The following ADAM10 variants were observed in gnomAD, a reference collection of about 807,000 sequenced individuals.
ADAM10 encodes ADAM metallopeptidase domain 10.
A neutral mutation model predicts 90.1 loss-of-function variants in ADAM10; 17 were observed. The ratio of observed to expected loss-of-function variants is 0.19; its 90% CI spans 0.13 to 0.28. ADAM10 has a LOEUF of 0.28. Ranked by LOEUF, ADAM10 falls within the 10% of genes least tolerant of loss-of-function variation. The pLI is 1.00. For synonymous variants in ADAM10, 310 were observed against 298.6 expected (o/e 1.04, Z -0.40); for missense variants, 610 against 914.3 (o/e 0.67, Z 4.29).
chr15:58,609,549 A>G lies in ADAM10; in HGVS notation c.2025+748T>C, dbSNP rs1229638975. The G allele has an allele frequency of 2.0e-5, 3 of 153,252 alleles. No individual in the cohort carries two copies. The East Asian group carries it at 5.8e-4, about 29-fold the overall frequency. The allele number at this position is 153,252 out of a possible 1,614,324, so 9.5% of individuals were successfully genotyped here. ...ATACACACACACACACATACACACT[A>G]ATTTGAGAAAGGGGAATGTGAGTTA... On this transcript the variant is annotated intron_variant, in intron 14 of 15. Transcript: ENST00000260408.
chr15:58,718,260 T>C (rs1202204665), intron 1 of ADAM10, among the ~76,000 whole-genome samples: 3 of 152,204 alleles, frequency 2.0e-5, no homozygotes, highest in African/African-American at 7.2e-5. Flanking sequence ...GATCATATTT[T>C]TTCTTTTTAA....
intron 15 of ADAM10, among the ~76,000 whole-genome samples, chr15:58,598,915 T>A (rs11638416): frequency 0.035 from 5,307 of 152,286 alleles, 98 homozygotes; most frequent in Middle Eastern, 0.051. Flanking sequence ...ATTTGATGAA[T>A]GAATCCTCTA....
intron 5 of ADAM10, among the ~76,000 whole-genome samples, chr15:58,648,233 A>C (rs1896603312): frequency 6.6e-6 from 1 of 152,230 alleles, no homozygotes; most frequent in African/African-American, 2.4e-5. Flanking sequence ...ATGGGTACCA[A>C]CACTACTGAA....
intron 1 of ADAM10, among the ~76,000 whole-genome samples, chr15:58,725,293 G>A (rs1345376251): frequency 6.6e-6 from 1 of 151,742 alleles, no homozygotes; most frequent in Admixed American, 6.6e-5. Flanking sequence ...CACTTTGGGA[G>A]GCTAAGGCAG....
intron 4 of ADAM10, 48 bp downstream of exon 4, chr15:58,679,076 A>T (rs776667178): frequency 5.8e-6 from 9 of 1,548,914 alleles, no homozygotes; most frequent in Non-Finnish European, 4.4e-6. Context: ...AGTTTTAACT[A>T]TCATATGCCT....
chr15:58,643,937 G>A lies in ADAM10; in HGVS notation c.777C>T (p.Thr259=), dbSNP rs201371720. Reference sequence around the variant, plus strand: ...TGTTACGGATTCCGGAGAAGTCTGTGGTCTGGTAAATTGTATCAATCGCTT... The same window carrying A: ...TGTTACGGATTCCGGAGAAGTCTGTAGTCTGGTAAATTGTATCAATCGCTT... The part of the protein sequence containing the change: ...HVKAIDTIYQ[T]TDFSGIRNIS... The change falls in exon 7 of 16, where the codon ACC becomes ACT. Residue 259 remains threonine, a synonymous_variant. Transcript: ENST00000260408. The A allele has an allele frequency of 2.2e-5, 35 of 1,613,254 alleles. No individual in the cohort carries two copies. The African/African-American group carries it at 2.7e-4, about 12-fold the overall frequency.
chr15:58,679,646 T>C (rs1434352159), intron 3 of ADAM10, among the ~76,000 whole-genome samples: 1 of 152,186 alleles, frequency 6.6e-6, no homozygotes, highest in African/African-American at 2.4e-5. Context: ...GGTTCACACC[T>C]ATAATCCCAG....
At chr15:58,670,444 T>C (rs533689795) in intron 4 of ADAM10, among the ~76,000 whole-genome samples, 1 of 152,146 alleles carries the variant, frequency 6.6e-6, no homozygotes, top group Non-Finnish European at 1.5e-5. Context: ...TGTGCAAGAA[T>C]GTTACCTGTT....
At chr15:58,712,224 T>C (rs1898497083) in intron 2 of ADAM10, among the ~76,000 whole-genome samples, 1 of 151,606 alleles carries the variant, frequency 6.6e-6, no homozygotes, top group Non-Finnish European at 1.5e-5. Context: ...GTAAGAAAAA[T>C]TTCTGGAAAT....
chr15:58,687,569 CTTAA>C (rs1229754028), intron 2 of ADAM10, among the ~76,000 whole-genome samples: 1 of 145,990 alleles, frequency 6.8e-6, no homozygotes, highest in African/African-American at 2.7e-5. Context: ...AAAATTTCTG[CTTAA>C]TTAATCATAA....
At chr15:58,657,878 T>C (rs1896868102) in intron 5 of ADAM10, among the ~76,000 whole-genome samples, 7 of 148,910 alleles carry the variant, frequency 4.7e-5, no homozygotes, top group Admixed American at 4.0e-4. Flanking sequence ...ATTTTTTAAT[T>C]GGGGTTTGTG....
intron 14 of ADAM10, among the ~76,000 whole-genome samples, chr15:58,608,148 C>CA (rs1165685738): frequency 2.0e-5 from 3 of 152,172 alleles, no homozygotes; most frequent in South Asian, 2.1e-4. Context: ...CCAGTAGCAG[C>CA]AGTCAATAAC....
Position 58,617,156 on chromosome 15 carries a change from G to A in ADAM10, c.1511+4315C>T, listed in dbSNP as rs114926237. ...TAAAATAAAAATATATCAACAAAAT[G>A]AACAGTTGGTTTCTTGGAAAGATAA... On this transcript the variant is annotated intron_variant, in intron 11 of 15. Transcript: ENST00000260408. Among the ~76,000 whole-genome samples, 1,285 of 151,842 alleles carry A rather than the reference G, an allele frequency of 8.5e-3. 22 individuals are homozygous for A. Among genetic ancestry groups the A allele is most frequent in the African/African-American group, 0.03 (1,234 of 41,466 alleles).
chr15:58,731,312 G>C (rs1481871337), intron 1 of ADAM10, among the ~76,000 whole-genome samples: 2 of 152,090 alleles, frequency 1.3e-5, no homozygotes, highest in African/African-American at 4.8e-5. Flanking sequence ...AAGAAATCTG[G>C]AGATGGTTTA....
At chr15:58,668,195 A>AACC (rs1451945060) in intron 4 of ADAM10, among the ~76,000 whole-genome samples, 1 of 152,186 alleles carries the variant, frequency 6.6e-6, no homozygotes, top group Non-Finnish European at 1.5e-5. Context: ...TTTAAGGCAG[A>AACC]ACCTTTGCCC....
intron 5 of ADAM10, among the ~76,000 whole-genome samples, chr15:58,651,942 T>A (rs1896698710): frequency 6.6e-6 from 1 of 152,208 alleles, no homozygotes; most frequent in Non-Finnish European, 1.5e-5. Context: ...AAAGCCATTT[T>A]TACTGAGGTG....
intron 5 of ADAM10, among the ~76,000 whole-genome samples, chr15:58,652,854 G>A (rs1234272774): frequency 2.0e-5 from 3 of 152,078 alleles, no homozygotes; most frequent in Non-Finnish European, 4.4e-5. Context: ...TCCGATATAC[G>A]AACATAGAAT....
intron 2 of ADAM10, among the ~76,000 whole-genome samples, chr15:58,689,030 C>G (rs936652368): frequency 2.6e-4 from 39 of 150,504 alleles, no homozygotes; most frequent in African/African-American, 9.0e-4. Flanking sequence ...AAACTATAAA[C>G]ACAAGTCTAA....
chr15:58,728,300 T>C (rs145374438), intron 1 of ADAM10, among the ~76,000 whole-genome samples: 1 of 152,316 alleles, frequency 6.6e-6, no homozygotes, highest in African/African-American at 2.4e-5. Flanking sequence ...AGGGAGCTTT[T>C]TGGATTGATA....
Sources: allele counts gnomAD v4.1 joint callset (sites outside exome capture counted in the v4.1 genomes callset), GRCh38; gene constraint gnomAD v4.1.1; transcripts MANE v1.5; gene names NCBI Gene and HGNC (gene_info 2026-07-23, HGNC 2026-07-21).